MTIF2: variants seen among roughly 807,000 people sequenced by gnomAD.
MTIF2 encodes the protein translation initiation factor IF-2, mitochondrial.
A neutral mutation model predicts 83.5 loss-of-function variants in MTIF2; 71 were observed. The observed-to-expected ratio is 0.85, with a 90% CI of 0.70 to 1.04. The LOEUF is 1.04. Among genes scored for constraint, MTIF2 ranks in the 50% least tolerant of loss-of-function variants. The pLI, the probability that MTIF2 is intolerant of heterozygous loss-of-function variation, is 0.00. For synonymous variants in MTIF2, 319 were observed against 287.1 expected, an observed-to-expected ratio of 1.11 and a Z score of -1.12; for missense variants, 957 against 846.5, an observed-to-expected ratio of 1.13 and a Z score of -1.62.
At chr2:55,265,209 C>T (rs930407337) in intron 3 of MTIF2, among the ~76,000 whole-genome samples, 1 of 149,594 alleles carries the variant, frequency 6.7e-6, no homozygotes, top group Non-Finnish European at 1.5e-5. Context: ...TGCCATTGCA[C>T]TCTAGCCTGG....
At chr2:55,239,930 T>C in intron 14 of MTIF2, 81 bp downstream of exon 14, 1 of 1,232,590 alleles carries the variant, frequency 8.1e-7, no homozygotes, top group Non-Finnish European at 1.1e-6. Context: ...TTGAAAACGT[T>C]TCCTCTAAGC....
intron 13 of MTIF2, among the ~76,000 whole-genome samples, chr2:55,241,962 C>G (rs572064280): frequency 6.6e-6 from 1 of 151,966 alleles, no homozygotes; most frequent in South Asian, 2.1e-4. Context: ...GCCTGGCCAA[C>G]ATGGTGAAAC....
At chr2:55,241,078 A>T (rs1175644267) in intron 13 of MTIF2, among the ~76,000 whole-genome samples, 1 of 151,996 alleles carries the variant, frequency 6.6e-6, no homozygotes, top group Non-Finnish European at 1.5e-5. Context: ...ATACTTTGGG[A>T]GAAAAAAAAA....
At position 55,237,443 on chromosome 2, in the gene MTIF2, G is replaced by A. The variant is rs146786690; in HGVS notation, c.1871-15C>T. ...AGATGCCTCACCTTTAGGAAGAAGA[G>A]AACATTAATGTGCAGAAAACTAAAG... On this transcript the variant is annotated splice_polypyrimidine_tract_variant and intron_variant, in intron 14 of 15. Transcript: ENST00000263629. 1.8e-4 allele frequency: 287 copies of A among 1,581,986 alleles called. 2 individuals carry two copies. The Admixed American group carries it at 5.3e-3, about 29-fold the overall frequency.
At position 55,252,671 on chromosome 2, in the gene MTIF2, CA is replaced by C; in HGVS notation, c.665-19del. 1 of 1,596,108 alleles carries C rather than the reference CA, an allele frequency of 6.3e-7. No individual in the cohort carries two copies. The highest frequency in any genetic ancestry group is 8.6e-7 in the Non-Finnish European group (1 of 1,167,798). On this transcript the variant is annotated intron_variant, in intron 7 of 15. Transcript: ENST00000263629. Reference sequence around the variant, plus strand: ...CAGAGAGACTGTGGAAACAGAAATTCAAGAACATCAAGGATTCAAACATGTA... The same window carrying C: ...CAGAGAGACTGTGGAAACAGAAATTCAGAACATCAAGGATTCAAACATGTA...
intron 5 of MTIF2, 74 bp downstream of exon 5, chr2:55,262,242 T>C (rs1199843539): frequency 5.0e-6 from 5 of 999,398 alleles, no homozygotes; most frequent in Middle Eastern, 2.0e-4. Context: ...TTTCAATGCC[T>C]TAATCTCGTT....
intron 13 of MTIF2, 132 bp downstream of exon 13, chr2:55,242,808 G>T: frequency 1.1e-6 from 1 of 869,652 alleles, no homozygotes; most frequent in South Asian, 1.8e-5. Context: ...AGCTGGGACT[G>T]GACTATAGCA....
chr2:55,250,115 C>T (rs1676987313), intron 8 of MTIF2, among the ~76,000 whole-genome samples: 1 of 151,968 alleles, frequency 6.6e-6, no homozygotes, highest in South Asian at 2.1e-4. Flanking sequence ...ACAAACAATA[C>T]AATCATCCCT....
intron 4 of MTIF2, among the ~76,000 whole-genome samples, 168 bp from the exon 5 acceptor site, chr2:55,262,595 T>C (rs893398010): frequency 5.0e-5 from 7 of 138,744 alleles, no homozygotes; most frequent in African/African-American, 1.6e-4. Context: ...CAGGCTGGAG[T>C]GCAGTTGCAC....
At chr2:55,264,568 T>C (rs905797240) in intron 3 of MTIF2, among the ~76,000 whole-genome samples, 1 of 152,082 alleles carries the variant, frequency 6.6e-6, no homozygotes, top group Non-Finnish European at 1.5e-5. Context: ...GTCTCTACAC[T>C]CCTACCTCTC....
At chr2:55,258,456 G>A (rs905671078) in intron 5 of MTIF2, among the ~76,000 whole-genome samples, 4 of 152,074 alleles carry the variant, frequency 2.6e-5, no homozygotes, top group Non-Finnish European at 4.4e-5. Context: ...ATCACCTGAG[G>A]TCAGGAGTTC....
chr2:55,244,480 C>G (rs1054197945), intron 10 of MTIF2, among the ~76,000 whole-genome samples: 1 of 152,154 alleles, frequency 6.6e-6, no homozygotes, highest in African/African-American at 2.4e-5. Context: ...CAAAGTCAGC[C>G]TATCAAGACC....
At chr2:55,256,570 G>A (rs1484947986) in intron 5 of MTIF2, among the ~76,000 whole-genome samples, 3 of 151,842 alleles carry the variant, frequency 2.0e-5, no homozygotes, top group South Asian at 4.2e-4. Flanking sequence ...GCTGGGCATG[G>A]TGGCGGCACC....
In MTIF2 at chr2:55,269,203, C is replaced by G. The variant is rs1678656490; in HGVS notation, c.-271G>C. The G allele has an allele frequency of 6.6e-6, 1 of 152,330 alleles. No individual in the cohort carries two copies. The highest frequency in any genetic ancestry group is 1.5e-5 in the Non-Finnish European group (1 of 68,150). The allele number at this position is 152,330 out of a possible 1,614,324, so 9.4% of individuals were successfully genotyped here. A position where few individuals can be genotyped will look rare whatever the true frequency, so the allele number is the denominator to read the frequency against. On this transcript the variant is annotated 5_prime_UTR_variant, in exon 1 of 16. Transcript: ENST00000263629. ...CGGGCCCCTGGATTCTGAGCACGGG[C>G]GGAGATCACCTTCTGGACCCGGAAG...
Position 55,252,607 on chromosome 2 carries a change from T to A in MTIF2, c.711A>T (p.Gly237=), listed in dbSNP as rs1271221155. ...GEKITFLDTP[G]HAAFSAMRAR... ...CTCTCATTGCTGAGAAAGCAGCATGTCCTGGAGTATCAAGAAAAGTTATCT... is the reference window on the plus strand; with the variant it reads ...CTCTCATTGCTGAGAAAGCAGCATGACCTGGAGTATCAAGAAAAGTTATCT... Residue 237 remains glycine (G), a synonymous_variant, in exon 8 of 16, where the codon GGA becomes GGT. Transcript: ENST00000263629. The A allele has an allele frequency of 6.2e-7, 1 of 1,613,936 alleles. No homozygotes were observed. Among genetic ancestry groups the A allele is most frequent in the Admixed American group, 1.7e-5 (1 of 59,934 alleles).
chr2:55,265,192 G>T (rs571283725), intron 3 of MTIF2, among the ~76,000 whole-genome samples: 1 of 149,548 alleles, frequency 6.7e-6, no homozygotes, highest in Non-Finnish European at 1.5e-5. Flanking sequence ...GCAGTGAGCC[G>T]AGATCATGCC....
At chr2:55,250,252 T>C (rs976382337) in intron 8 of MTIF2, among the ~76,000 whole-genome samples, 3 of 152,054 alleles carry the variant, frequency 2.0e-5, no homozygotes, top group African/African-American at 7.2e-5. Flanking sequence ...AGTTTCAAAT[T>C]CTGTGAATGC....
intron 5 of MTIF2, among the ~76,000 whole-genome samples, chr2:55,259,801 G>T (rs961929213): frequency 2.0e-5 from 3 of 152,090 alleles, no homozygotes; most frequent in African/African-American, 7.2e-5. Context: ...AATATTAGCT[G>T]GGTGTGGTGG....
intron 3 of MTIF2, among the ~76,000 whole-genome samples, chr2:55,264,443 T>C (rs1367091143): frequency 6.6e-6 from 1 of 152,244 alleles, no homozygotes; most frequent in Non-Finnish European, 1.5e-5. Context: ...CACCACATTG[T>C]CTAGGTTAGT....
Sources: allele counts gnomAD v4.1 joint callset (sites outside exome capture counted in the v4.1 genomes callset), GRCh38; gene constraint gnomAD v4.1.1; transcripts MANE v1.5; gene names NCBI Gene and HGNC (gene_info 2026-07-23, HGNC 2026-07-21).